Variants in WDR87 observed in about 807,000 individuals in gnomAD.
WDR87 encodes WD repeat-containing protein 87.
A neutral mutation model predicts 83.3 loss-of-function variants in WDR87; 56 were observed. The observed-to-expected ratio is 0.67, with a 90% CI of 0.54 to 0.84. The LOEUF is 0.84. Ranked by LOEUF, WDR87 falls within the 40% of genes least tolerant of loss-of-function variation. WDR87 has a pLI of 0.00. For synonymous variants in WDR87, 1,173 were observed against 1,250.6 expected (o/e 0.94, Z 1.31); for missense variants, 2,939 against 3,431.9 (o/e 0.86, Z 3.59).
At position 37,893,171 on chromosome 19, in the gene WDR87, G is replaced by T. The variant is rs1044007414; in HGVS notation, c.2532C>A (p.Cys844Ter). The change falls in exon 4 of 6, where the codon TGC becomes TGA. Residue 844 changes from cysteine to a stop codon, truncating the protein, a stop_gained. Coordinates refer to ENST00000447313, the MANE Select transcript of WDR87 (RefSeq NM_001291088.2). LOFTEE classifies it high-confidence loss of function. Reference protein sequence around the residue: ...WPEGTPIYLQCNLHAPQRELE... With the variant: ...WPEGTPIYLQ The stretch of plus-strand genomic sequence containing the variant: ...GCTCCCGCTGGGGTGCATGCAGGTT[G>T]CACTGTAGGTATATTGGGGTGCCCT... 2.6e-6 allele frequency: 4 copies of T among 1,551,952 alleles called. No individual in the cohort carries two copies. Among genetic ancestry groups the T allele is most frequent in the South Asian group, 1.2e-5 (1 of 84,062 alleles).
In WDR87 at chr19:37,888,151, T is replaced by C; in HGVS notation, c.5520A>G (p.Lys1840=). The change falls in exon 6 of 6, where the codon AAA becomes AAG. Residue 1840 remains lysine, a synonymous_variant. Coordinates refer to ENST00000447313, the MANE Select transcript of WDR87 (RefSeq NM_001291088.2). ...TCTTCTTCTCAATCAATTGCTCCCT[T>C]TTCCGTCCCAGTCTTTCCTCTTCCT... ...MPEEEERLGR[K]REQLIEKKMK... 6.4e-7 allele frequency: 1 copy of C among 1,552,166 alleles called. No homozygotes were observed. Among genetic ancestry groups the C allele is most frequent in the Non-Finnish European group, 8.7e-7 (1 of 1,147,084 alleles).
Position 37,885,960 on chromosome 19 carries a change from G to A in WDR87, c.7711C>T (p.Leu2571=). The part of the protein sequence containing the change: ...LSDVEWIRHV[L]ERMEAGEQLS... ...TGTTCTCCCGCTTCCATTCGTTCTA[G>A]GACATGGCGGATCCACTCTACATCT... Residue 2571 remains leucine (L), a synonymous_variant, in exon 6 of 6, where the codon CTA becomes TTA. Transcript: ENST00000447313. The A allele has an allele frequency of 1.3e-6, 2 of 1,552,156 alleles. No individual in the cohort carries two copies. The highest frequency in any genetic ancestry group is 1.7e-6 in the Non-Finnish European group (2 of 1,147,092).
intron 5 of WDR87, among the ~76,000 whole-genome samples, chr19:37,890,949 T>C (rs191722081): frequency 1.3e-5 from 2 of 152,188 alleles, no homozygotes; most frequent in Non-Finnish European, 2.9e-5. Flanking sequence ...TACATTTTTT[T>C]AAAAAATTAT....
chr19:37,885,735 C>G lies in WDR87; in HGVS notation c.7936G>C (p.Ala2646Pro). The change falls in exon 6 of 6, where the codon GCA (alanine) becomes CCA (proline). Residue 2646 changes from alanine to proline, a missense_variant. By Grantham distance (27) the Ala-to-Pro change is conservative. Coordinates refer to ENST00000447313, the MANE Select transcript of WDR87 (RefSeq NM_001291088.2). ...TTTGGCCAGCTCTCCTTTTCCTTTG[C>G]TTTTATAGGAGGAATCACTTTCAGG... ...KYLKVIPPIK[A>P]KEKESWPKPL... The G allele has an allele frequency of 1.3e-6, 2 of 1,551,660 alleles. No homozygotes were observed. Among genetic ancestry groups the G allele is most frequent in the Non-Finnish European group, 1.7e-6 (2 of 1,147,010 alleles).
At position 37,898,894 on chromosome 19, in the gene WDR87, TAGA is replaced by T. The variant is rs1211782069; in HGVS notation, c.-46-612_-46-610del. ...GGAGGCCAACCTTTCCTGCCAGATG[TAGA>T]AGAACTTCATCCGTTTAGAGAAATG... On this transcript the variant is annotated intron_variant, in intron 1 of 5. Transcript: ENST00000447313. Among the ~76,000 whole-genome samples the T allele has an allele frequency of 4.6e-5, 7 of 152,312 alleles. No homozygotes were observed. In the South Asian group the frequency reaches 1.5e-3, roughly 32 times the overall value.
intron 1 of WDR87, among the ~76,000 whole-genome samples, chr19:37,901,813 A>G (rs1029072520): frequency 2.6e-5 from 4 of 151,834 alleles, no homozygotes; most frequent in African/African-American, 7.3e-5. Flanking sequence ...CCCTGGGCTC[A>G]AGCAATCCTC....
In WDR87 at chr19:37,886,148, T is replaced by C; in HGVS notation, c.7523A>G (p.His2508Arg). Reference protein sequence around the residue: ...AQDLKTPFMSHILRRTVEAEE... With the variant: ...AQDLKTPFMSRILRRTVEAEE... ...AGCTTCCACGGTCCTCCTTAATATG[T>C]GGGACATAAATGGGGTCTTTAAGTC... The change falls in exon 6 of 6, where the codon CAC becomes CGC. Residue 2508 changes from histidine (H) to arginine (R), a missense_variant. Coordinates refer to ENST00000447313, the MANE Select transcript of WDR87 (RefSeq NM_001291088.2). The C allele has an allele frequency of 6.4e-7, 1 of 1,551,738 alleles. No individual in the cohort carries two copies. The highest frequency in any genetic ancestry group is 8.7e-7 in the Non-Finnish European group (1 of 1,147,012).
At chr19:37,898,517 A>T (rs1388934266) in intron 1 of WDR87, among the ~76,000 whole-genome samples, 1 of 152,200 alleles carries the variant, frequency 6.6e-6, no homozygotes, top group Non-Finnish European at 1.5e-5. Context: ...AGTGAATCTT[A>T]GCGTGTTCCT....
chr19:37,890,966 A>T (rs1192044665), intron 5 of WDR87, among the ~76,000 whole-genome samples: 1 of 152,094 alleles, frequency 6.6e-6, no homozygotes, highest in Non-Finnish European at 1.5e-5. Context: ...TTATACTTTA[A>T]GTTCTGGGAT....
rs189211881 is a variant in WDR87 at position 37,894,812 on chromosome 19, G to A, written c.891C>T (p.Thr297=). 4.5e-3 allele frequency: 6,917 copies of A among 1,551,726 alleles called. 35 individuals carry two copies. The highest frequency in any genetic ancestry group is 5.3e-3 in the Non-Finnish European group (6,108 of 1,147,006). Residue 297 remains threonine, a synonymous_variant, in exon 4 of 6, where the codon ACC becomes ACT. Coordinates refer to ENST00000447313, the MANE Select transcript of WDR87 (RefSeq NM_001291088.2). ...ICIRSRPEAH[T]LLTAGSDSLI... Reference sequence around the variant, plus strand: ...GGCTGTCACTACCAGCTGTTAGCAGGGTGTGGGCCTCTGGTCGGCTGCGGA... The same window carrying A: ...GGCTGTCACTACCAGCTGTTAGCAGAGTGTGGGCCTCTGGTCGGCTGCGGA...
chr19:37,896,949 G>A (rs192557634), intron 2 of WDR87, among the ~76,000 whole-genome samples: 1 of 152,068 alleles, frequency 6.6e-6, no homozygotes, highest in African/African-American at 2.4e-5. Flanking sequence ...GTGTGTAGAA[G>A]GTACATGTAC....
Position 37,886,024 on chromosome 19 carries a change from T to C in WDR87, c.7647A>G (p.Gln2549=). Residue 2549 remains glutamine (Q), a synonymous_variant, in exon 6 of 6, where the codon CAA becomes CAG. Coordinates refer to ENST00000447313, the MANE Select transcript of WDR87 (RefSeq NM_001291088.2). ...CTGCATGTTGTTCCTTAGCTGGGAT[T>C]TGGGAGAGAGGTAACTGTACCTCAG... ...GQTEVQLPLS[Q]IPAKEQHADV... is the part of the protein sequence containing the mutation. 1 of 1,551,814 alleles carries C rather than the reference T, an allele frequency of 6.4e-7. No individual in the cohort carries two copies. The highest frequency in any genetic ancestry group is 8.7e-7 in the Non-Finnish European group (1 of 1,147,010).
Position 37,889,456 on chromosome 19 carries a change from A to G in WDR87, c.4215T>C (p.Ile1405=), listed in dbSNP as rs534192023. Reference sequence around the variant, plus strand: ...AAATAACTTTCTTGCCCTTTTTCAAAATCACTTGGGTTTCCTCCAAGCCCA... The same window carrying G: ...AAATAACTTTCTTGCCCTTTTTCAAGATCACTTGGGTTTCCTCCAAGCCCA... ...DMLGLEETQV[I]LKKGKKVIFL... is the part of the protein sequence containing the mutation. Residue 1405 remains isoleucine (I), a synonymous_variant, in exon 6 of 6, where the codon ATT becomes ATC. Transcript: ENST00000447313. 903 of 1,551,518 alleles carry G rather than the reference A, an allele frequency of 5.8e-4. 8 individuals carry two copies. The South Asian group carries it at 8.4e-3, about 14-fold the overall frequency.
rs1359252080 is a variant in WDR87, at chr19:37,898,232, G to C, written c.8C>G (p.Ser3Cys). Residue 3 changes from serine to cysteine, a missense_variant, in exon 2 of 6, where the codon TCC (serine) becomes TGC (cysteine). By Grantham distance (112) the Ser-to-Cys change is moderately radical. Transcript: ENST00000447313. ...TTTCCACAGGGGAATGAGCCTGGGG[G>C]AAGACATCACCGTCAGACTCCCTTG... is the stretch of plus-strand genomic sequence containing the variant. MS[S>C]PRLIPLWKDL... 1.3e-6 allele frequency: 2 copies of C among 1,551,498 alleles called. No individual in the cohort carries two copies. The highest frequency in any genetic ancestry group is 2.7e-5 in the African/African-American group (2 of 73,016).
In WDR87 at chr19:37,890,044, C is replaced by T. The variant is rs916431401; in HGVS notation, c.3627G>A (p.Lys1209=). The change falls in exon 6 of 6, where the codon AAG becomes AAA. Residue 1209 remains lysine (K), a synonymous_variant. Transcript: ENST00000447313. ...TTTTGTCACGTATTTTCTGCAGCCT[C>T]TTCAGGGTCAATGCAATGTGATCCT... The part of the protein sequence containing the change: ...ISKDHIALTL[K]RLQKIRDKRD... 2 of 1,551,752 alleles carry T rather than the reference C, an allele frequency of 1.3e-6. No individual in the cohort carries two copies. The highest frequency in any genetic ancestry group is 1.7e-6 in the Non-Finnish European group (2 of 1,147,016).
At chr19:37,890,975 A>C (rs1220937293) in intron 5 of WDR87, among the ~76,000 whole-genome samples, 1 of 152,066 alleles carries the variant, frequency 6.6e-6, no homozygotes, top group Non-Finnish European at 1.5e-5. Context: ...AAGTTCTGGG[A>C]TACATGTGCA....
At position 37,888,829 on chromosome 19, in the gene WDR87, G is replaced by C. The variant is rs781669482; in HGVS notation, c.4842C>G (p.Ala1614=). The change falls in exon 6 of 6, where the codon GCC becomes GCG. Residue 1614 remains alanine (A), a synonymous_variant. Transcript: ENST00000447313. ...QRHIQEEHKW[A]RIHRKRARAE... Reference sequence around the variant, plus strand: ...CTCGGGCTCGTTTCCTGTGTATTCTGGCCCATTTGTGTTCTTCTTGGATGT... The same window carrying C: ...CTCGGGCTCGTTTCCTGTGTATTCTCGCCCATTTGTGTTCTTCTTGGATGT... 7.7e-6 allele frequency: 12 copies of C among 1,551,036 alleles called. No homozygotes were observed. The African/African-American group carries it at 1.6e-4, about 21-fold the overall frequency.
In WDR87 at chr19:37,887,980, C is replaced by G; in HGVS notation, c.5691G>C (p.Glu1897Asp). Residue 1897 changes from glutamate to aspartate, a missense_variant, in exon 6 of 6, where the codon GAG becomes GAC. By Grantham distance (45) the Glu-to-Asp change is conservative. Transcript: ENST00000447313. The part of the protein sequence containing the change: ...QEKEKLAQRK[E>D]NLLYNKERLT... The stretch of plus-strand genomic sequence containing the variant: ...GTCTTTCTTTATTATAGAGTAGGTT[C>G]TCTTTCCTCTGAGCCAATTTTTCCT... 1.3e-6 allele frequency: 2 copies of G among 1,550,140 alleles called. No individual in the cohort carries two copies. Among genetic ancestry groups the G allele is most frequent in the Non-Finnish European group, 1.7e-6 (2 of 1,146,762 alleles).
In WDR87 at chr19:37,889,398, C is replaced by A. The variant is rs2046182657; in HGVS notation, c.4273G>T (p.Glu1425Ter). The change falls in exon 6 of 6, where the codon GAA becomes TAA. Residue 1425 changes from glutamate (E) to a stop codon, truncating the protein, a stop_gained. Transcript: ENST00000447313. LOFTEE classifies it low-confidence loss of function (END_TRUNC). ...TTCTTCTCTTCTTTCTTTGATATTT[C>A]TTTTCCCATGGTTACATTACCTGGT... ...LEPGNVTMGK[E>*]ISKKEEKKTF... 2 of 1,551,544 alleles carry A rather than the reference C, an allele frequency of 1.3e-6. No homozygotes were observed. The highest frequency in any genetic ancestry group is 8.7e-7 in the Non-Finnish European group (1 of 1,146,992).
Sources: allele counts gnomAD v4.1 joint callset (sites outside exome capture counted in the v4.1 genomes callset), GRCh38; gene constraint gnomAD v4.1.1; transcripts MANE v1.5; gene names NCBI Gene and HGNC (gene_info 2026-07-23, HGNC 2026-07-21).